RYR2: variants seen among roughly 807,000 people sequenced by gnomAD.
The protein encoded by RYR2 is cardiac muscle ryanodine receptor-calcium release channel.
In RYR2, 227 loss-of-function variants were observed where a neutral mutation model predicts 601.1. The ratio of observed to expected loss-of-function variants is 0.38; its 90% CI spans 0.34 to 0.42. The LOEUF (loss-of-function observed/expected upper bound fraction) is 0.42, where lower values mean the gene tolerates loss of function less well. Among genes scored for constraint, RYR2 ranks in the 10% least tolerant of loss-of-function variants. The pLI, the probability that RYR2 is intolerant of heterozygous loss-of-function variation, is 1.00. For missense variants in RYR2, 4,646 were observed against 6,156.5 expected (o/e 0.75, Z 8.21); for synonymous variants, 2,223 against 2,175.1 (o/e 1.02, Z -0.61).
At chr1:237,421,964 G>T (rs1267457806) in intron 11 of RYR2, among the ~76,000 whole-genome samples, 1 of 151,868 alleles carries the variant, frequency 6.6e-6, no homozygotes, top group African/African-American at 2.4e-5. Flanking sequence ...AGGTTTATTT[G>T]CTTGTTGAAT....
rs1321340277 is a variant in RYR2 at position 237,784,404 on chromosome 1, C to G, written c.12692C>G (p.Pro4231Arg). 1.2e-6 allele frequency: 2 copies of G among 1,613,650 alleles called. No homozygotes were observed. Among genetic ancestry groups the G allele is most frequent in the South Asian group, 2.2e-5 (2 of 91,042 alleles). The change falls in exon 90 of 105, where the codon CCG (proline) becomes CGG (arginine). Residue 4231 changes from proline (P) to arginine (R), a missense_variant. By Grantham distance (103) the Pro-to-Arg change is moderately radical. Around this residue, in one of 17 missense-constraint regions of RYR2, gnomAD observed 364 missense variants for 442.9 expected, o/e 0.82. Transcript: ENST00000366574. This position sits in a 1 kb window ranked among gnomAD's most constrained non-coding sequence, Gnocchi z 7.1. ...SEKERPEEQG[P>R]RMAFFSILTV... ...AAGGAGAGGCCGGAAGAGCAGGGGC[C>G]GAGGATGGCTTTCTTCTCCATTCTG...
chr1:237,301,180 A>C (rs1693314151), intron 2 of RYR2, among the ~76,000 whole-genome samples: 1 of 152,174 alleles, frequency 6.6e-6, no homozygotes, highest in Non-Finnish European at 1.5e-5. Flanking sequence ...CCACAATCTC[A>C]TAATGAAAAT....
intron 92 of RYR2, among the ~76,000 whole-genome samples, chr1:237,790,751 A>C (rs1286332198): frequency 6.6e-6 from 1 of 152,128 alleles, no homozygotes; most frequent in Non-Finnish European, 1.5e-5. Context: ...TCATTTGTCC[A>C]TATCCCACAC....
At chr1:237,722,482 G>A (rs952421440) in intron 73 of RYR2, among the ~76,000 whole-genome samples, 3 of 148,912 alleles carry the variant, frequency 2.0e-5, no homozygotes, top group African/African-American at 5.0e-5. Context: ...CGCCCAGGCT[G>A]GAGTGCAGTG....
At chr1:237,160,887 A>T (rs903837993) in intron 1 of RYR2, among the ~76,000 whole-genome samples, 20 of 152,312 alleles carry the variant, frequency 1.3e-4, no homozygotes, top group Middle Eastern at 3.4e-3. Flanking sequence ...TGATTTATAC[A>T]TGCAGAAAGA....
intron 1 of RYR2, among the ~76,000 whole-genome samples, chr1:237,204,135 C>T (rs1013032254): frequency 6.6e-6 from 1 of 152,176 alleles, no homozygotes; most frequent in African/African-American, 2.4e-5. Context: ...CTCAGCCTCC[C>T]GAGTAGCTGG....
At chr1:237,276,931 T>A (rs1690349137) in intron 2 of RYR2, among the ~76,000 whole-genome samples, 2 of 152,228 alleles carry the variant, frequency 1.3e-5, no homozygotes, top group South Asian at 4.1e-4. Flanking sequence ...TTTTGTCAAG[T>A]AAATGTAATT....
At chr1:237,209,686 C>T (rs1476770589) in intron 1 of RYR2, among the ~76,000 whole-genome samples, 1 of 151,820 alleles carries the variant, frequency 6.6e-6, no homozygotes, top group Non-Finnish European at 1.5e-5. Flanking sequence ...GACCCTGTCT[C>T]TACAAAAAAT....
intron 1 of RYR2, among the ~76,000 whole-genome samples, chr1:237,107,303 C>T (rs12043330): frequency 0.48 from 73,025 of 150,910 alleles, 17,967 homozygotes; most frequent in Admixed American, 0.55. Context: ...GGGCGGATCA[C>T]GAGGTCAGGA....
At chr1:237,678,589 A>C (rs1190317730) in intron 61 of RYR2, among the ~76,000 whole-genome samples, 1 of 152,236 alleles carries the variant, frequency 6.6e-6, no homozygotes, top group Non-Finnish European at 1.5e-5. Flanking sequence ...TATATACAAA[A>C]TATATCCCAT....
intron 2 of RYR2, among the ~76,000 whole-genome samples, chr1:237,318,398 T>G (rs879571616): frequency 1.8e-4 from 27 of 152,254 alleles, no homozygotes; most frequent in Non-Finnish European, 1.8e-4. Flanking sequence ...AGAAATAAAA[T>G]TTTTACAGTC....
chr1:237,326,959 T>C (rs1696232147), intron 2 of RYR2, among the ~76,000 whole-genome samples: 1 of 152,216 alleles, frequency 6.6e-6, no homozygotes, highest in Admixed American at 6.5e-5. Context: ...CTACCATGGG[T>C]ATAACTGTAC....
intron 1 of RYR2, among the ~76,000 whole-genome samples, chr1:237,124,397 A>G (rs1167758728): frequency 6.6e-6 from 1 of 152,212 alleles, no homozygotes; most frequent in Non-Finnish European, 1.5e-5. Context: ...TATTGTTGCT[A>G]TAATACATTA....
chr1:237,453,635 T>A (rs765027153), intron 14 of RYR2, among the ~76,000 whole-genome samples: 1 of 152,166 alleles, frequency 6.6e-6, no homozygotes, highest in Admixed American at 6.5e-5. Flanking sequence ...GTCCCATTCT[T>A]TTATTGTATG....
chr1:237,165,372 G>A (rs986899333), intron 1 of RYR2, among the ~76,000 whole-genome samples: 2 of 152,086 alleles, frequency 1.3e-5, no homozygotes, highest in South Asian at 2.1e-4. Context: ...AGAGGCAAAC[G>A]TTCTTAAAAT....
In RYR2 at chr1:237,685,279, C is replaced by G. The variant is rs149735678; in HGVS notation, c.9018-2176C>G. Among the ~76,000 whole-genome samples the G allele has an allele frequency of 3.5e-3, 539 of 152,218 alleles. 3 individuals are homozygous for G. Among genetic ancestry groups the G allele is most frequent in the African/African-American group, 0.012 (498 of 41,538 alleles). On this transcript the variant is annotated intron_variant, in intron 62 of 104. Transcript: ENST00000366574. ...AATACCATGCCCTAAAAGTGGATTG[C>G]ACAGGAGGGGAAAGAGTTACAATTT...
intron 17 of RYR2, among the ~76,000 whole-genome samples, chr1:237,486,859 T>A (rs906866356): frequency 6.6e-6 from 1 of 152,274 alleles, no homozygotes; most frequent in East Asian, 1.9e-4. Context: ...TTTATACAAA[T>A]GAATATATTT....
intron 34 of RYR2, among the ~76,000 whole-genome samples, chr1:237,600,547 T>C (rs972007253): frequency 6.6e-6 from 1 of 152,078 alleles, no homozygotes; most frequent in Non-Finnish European, 1.5e-5. Context: ...TGGGTAAGGA[T>C]TTTTTGGACG....
intron 9 of RYR2, 147 bp downstream of exon 9, chr1:237,387,527 C>T (rs1420601116): frequency 4.5e-6 from 3 of 669,590 alleles, no homozygotes; most frequent in Non-Finnish European, 7.7e-6. Flanking sequence ...ATTTGAGGAT[C>T]TTGTTTAAAC....
Sources: gnomAD v4.1 joint callset for allele counts (sites outside exome capture counted in the v4.1 genomes callset) on GRCh38, gnomAD v4.1.1 for gene constraint, gnomAD v4.1.1 regional missense constraint, Gnocchi (gnomAD v3.1) non-coding constraint, MANE v1.5 for transcripts, NCBI Gene and HGNC (gene_info 2026-07-23, HGNC 2026-07-21) for gene names.